The following BAZ1A variants were observed in gnomAD, a reference collection of about 807,000 sequenced individuals.
BAZ1A encodes the protein bromodomain adjacent to zinc finger domain 1A, also known as bromodomain adjacent to zinc finger domain protein 1A.
Under a neutral mutation model 185.2 loss-of-function variants are expected in BAZ1A, and 50 were observed. The observed-to-expected ratio is 0.27, with a 90% CI of 0.22 to 0.34. BAZ1A has a LOEUF of 0.34. Among genes scored for constraint, BAZ1A ranks in the 10% least tolerant of loss-of-function variants. The pLI is 1.00. For missense variants in BAZ1A, 1,356 were observed against 1,839.9 expected (o/e 0.74, Z 4.81); for synonymous variants, 571 against 615.6 (o/e 0.93, Z 1.07).
At chr14:34,796,225 G>C (rs889996002) in intron 9 of BAZ1A, among the ~76,000 whole-genome samples, 63 of 151,894 alleles carry the variant, frequency 4.1e-4, no homozygotes, top group African/African-American at 1.4e-3. Context: ...GCATGCACCT[G>C]TTGTTCCAGC....
chr14:34,841,581 G>A (rs1325768933), intron 3 of BAZ1A, among the ~76,000 whole-genome samples: 1 of 152,054 alleles, frequency 6.6e-6, no homozygotes, highest in Non-Finnish European at 1.5e-5. Flanking sequence ...GTAGAGACAG[G>A]GTCTCACCAT....
At chr14:34,845,280 T>C (rs1004114630) in intron 3 of BAZ1A, 3 of 150,838 alleles carry the variant, frequency 2.0e-5, no homozygotes, top group African/African-American at 7.3e-5. Context: ...TTTTCTTTTT[T>C]TTTTTTTTTG....
intron 3 of BAZ1A, among the ~76,000 whole-genome samples, chr14:34,851,552 A>G (rs550560323): frequency 1.9e-4 from 29 of 152,042 alleles, no homozygotes; most frequent in Middle Eastern, 3.2e-3. Flanking sequence ...TTAATTCTCC[A>G]GTTCCAGGGG....
At chr14:34,807,672 CAG>C in intron 5 of BAZ1A, 134 bp from the exon 6 acceptor site, 1 of 553,134 alleles carries the variant, frequency 1.8e-6, no homozygotes, top group Non-Finnish European at 3.2e-6. Flanking sequence ...CATCTTCTAA[CAG>C]TATTTATGTA....
At chr14:34,823,330 G>T (rs1025318904) in intron 4 of BAZ1A, among the ~76,000 whole-genome samples, 13 of 151,854 alleles carry the variant, frequency 8.6e-5, no homozygotes, top group Non-Finnish European at 1.6e-4. Flanking sequence ...CTCCAGCCTG[G>T]GCGACAGAGT....
At chr14:34,785,743 G>T in intron 14 of BAZ1A, 34 bp downstream of exon 14, 1 of 1,584,342 alleles carries the variant, frequency 6.3e-7, no homozygotes, top group South Asian at 1.1e-5. Flanking sequence ...GAGGAAGTGG[G>T]CAGGTTATGC....
chr14:34,773,503 C>CAA (rs10713079), intron 20 of BAZ1A, 69 bp downstream of exon 20: 5,944 of 1,144,332 alleles, frequency 5.2e-3, no homozygotes, highest in Admixed American at 9.3e-3. Context: ...ACTTAAAAAC[C>CAA]AAAAAAAAAA....
At chr14:34,846,418 A>G (rs1237164227) in intron 3 of BAZ1A, among the ~76,000 whole-genome samples, 2 of 152,218 alleles carry the variant, frequency 1.3e-5, no homozygotes, top group Non-Finnish European at 2.9e-5. Context: ...CATTAGACAG[A>G]TGCTCCTGAT....
intron 21 of BAZ1A, 37 bp from the exon 22 acceptor site, chr14:34,765,305 G>T: frequency 6.2e-7 from 1 of 1,601,216 alleles, no homozygotes; most frequent in Non-Finnish European, 8.5e-7. Context: ...AATTTTTTAG[G>T]CAAACCTAGT....
At chr14:34,839,387 GAATTT>G (rs1364529425) in intron 3 of BAZ1A, among the ~76,000 whole-genome samples, 1 of 151,732 alleles carries the variant, frequency 6.6e-6, no homozygotes, top group African/African-American at 2.4e-5. Flanking sequence ...AAAAAATACA[GAATTT>G]AGCCGGCATG....
At position 34,761,971 on chromosome 14, in the gene BAZ1A, C is replaced by T. The variant is rs1886542119; in HGVS notation, c.4029G>A (p.Leu1343=). The T allele has an allele frequency of 6.2e-7, 1 of 1,614,182 alleles. No homozygotes were observed. ...GCAATTCCACAAATACATCTGCTTG[C>T]AGTGGGCCATGACTGTGGCGAGTAG... ...SRSTRHSHGP[L]QADVFVELLS... The change falls in exon 24 of 27, where the codon CTG becomes CTA. Residue 1343 remains leucine, a synonymous_variant. Transcript: ENST00000360310.
intron 3 of BAZ1A, among the ~76,000 whole-genome samples, chr14:34,857,480 A>C (rs2042702205): frequency 6.6e-6 from 1 of 152,136 alleles, no homozygotes; most frequent in Non-Finnish European, 1.5e-5. Context: ...CTTACCATCT[A>C]CTAAAGGCAA....
chr14:34,797,811 T>C (rs1242860847), intron 9 of BAZ1A, among the ~76,000 whole-genome samples: 1 of 152,024 alleles, frequency 6.6e-6, no homozygotes, highest in Non-Finnish European at 1.5e-5. Context: ...CTGGTGCCCA[T>C]GGAGGGCGAG....
chr14:34,784,756 G>T (rs1880320718), intron 14 of BAZ1A, among the ~76,000 whole-genome samples: 1 of 151,968 alleles, frequency 6.6e-6, no homozygotes, highest in African/African-American at 2.4e-5. Flanking sequence ...CTGACCTTCT[G>T]ATCTGCCCGC....
intron 12 of BAZ1A, 83 bp from the exon 13 acceptor site, chr14:34,786,304 A>G: frequency 7.9e-7 from 1 of 1,262,302 alleles, no homozygotes; most frequent in Non-Finnish European, 1.1e-6. Flanking sequence ...TGATGAAAGA[A>G]ACAGCAAACG....
chr14:34,824,376 TAAAAAAAAAAAAA>T (rs59459941), intron 4 of BAZ1A, among the ~76,000 whole-genome samples: 1 of 27,700 alleles, frequency 3.6e-5, no homozygotes, highest in Non-Finnish European at 5.4e-5. Context: ...TCCATCTCTT[TAAAAAAAAAAAAA>T]AAAAAAAAAG....
intron 3 of BAZ1A, among the ~76,000 whole-genome samples, chr14:34,828,329 C>T (rs1248439688): frequency 6.6e-6 from 1 of 151,196 alleles, no homozygotes; most frequent in African/African-American, 2.4e-5. Context: ...TCCTTAATCC[C>T]ATCTCTATTG....
At position 34,762,138 on chromosome 14, in the gene BAZ1A, G is replaced by C. The variant is rs767478696; in HGVS notation, c.3862C>G (p.Gln1288Glu). ...LSSSFSSRGQ[Q>E]QEPGRYPSRS... ...GAAGGGTATCTTCCAGGTTCTTGTT[G>C]TTGGCCACGACTTGAGAAAGAAGAG... is the stretch of plus-strand genomic sequence containing the variant. Residue 1288 changes from glutamine to glutamate, a missense_variant, in exon 24 of 27, where the codon CAA (glutamine) becomes GAA (glutamate). Physicochemically the swap from Gln to Glu is conservative, Grantham distance 29. Around this residue, in one of 7 missense-constraint regions of BAZ1A, gnomAD observed 309 missense variants for 355.3 expected, o/e 0.87. Coordinates refer to ENST00000360310, the MANE Select transcript of BAZ1A (RefSeq NM_013448.3). The C allele has an allele frequency of 2.5e-5, 40 of 1,614,064 alleles. No homozygotes were observed. Among genetic ancestry groups the C allele is most frequent in the Non-Finnish European group, 3.2e-5 (38 of 1,180,040 alleles).
At chr14:34,780,345 G>A in intron 16 of BAZ1A, 35 bp from the exon 17 acceptor site, 1 of 1,574,838 alleles carries the variant, frequency 6.3e-7, no homozygotes, top group Non-Finnish European at 8.6e-7. Context: ...ATTTACTAAT[G>A]AATATATAAT....
Sources: allele counts gnomAD v4.1 joint callset (sites outside exome capture counted in the v4.1 genomes callset), GRCh38; gene constraint gnomAD v4.1.1; regional missense constraint gnomAD v4.1.1; transcripts MANE v1.5; gene names NCBI Gene and HGNC (gene_info 2026-07-23, HGNC 2026-07-21).